Variants in KCNMB2 observed in about 807,000 individuals in gnomAD.
KCNMB2 encodes potassium calcium-activated channel subfamily M regulatory beta subunit 2.
A neutral mutation model predicts 24.5 loss-of-function variants in KCNMB2; 9 were observed. That is an observed-to-expected ratio of 0.37 (90% CI 0.22 to 0.64). KCNMB2 has a LOEUF of 0.64. KCNMB2 is among the 30% of genes least tolerant of loss of function. The pLI, the probability that KCNMB2 is intolerant of heterozygous loss-of-function variation, is 0.63. For missense variants in KCNMB2, 226 were observed against 284.3 expected, an observed-to-expected ratio of 0.79 and a Z score of 1.47; for synonymous variants, 109 against 104.4, an observed-to-expected ratio of 1.04 and a Z score of -0.27.
At chr3:178,834,012 C>A (rs541099693) in intron 4 of KCNMB2, among the ~76,000 whole-genome samples, 6 of 152,250 alleles carry the variant, frequency 3.9e-5, no homozygotes, top group African/African-American at 1.4e-4. Flanking sequence ...ATGCCCATCT[C>A]CTTCAGGAGT....
intron 1 of KCNMB2, among the ~76,000 whole-genome samples, chr3:178,680,853 G>C (rs1202768342): frequency 6.6e-6 from 1 of 152,130 alleles, no homozygotes; most frequent in African/African-American, 2.4e-5. Flanking sequence ...CTTAGGAACG[G>C]GGCCCCCAGA....
chr3:178,703,454 G>A (rs1408935788), intron 1 of KCNMB2, among the ~76,000 whole-genome samples: 4 of 152,074 alleles, frequency 2.6e-5, no homozygotes, highest in Admixed American at 2.6e-4. Flanking sequence ...CCTCCTGCTG[G>A]TCATTTCAGT....
At chr3:178,653,891 G>A (rs1017550268) in intron 1 of KCNMB2, among the ~76,000 whole-genome samples, 1 of 152,038 alleles carries the variant, frequency 6.6e-6, no homozygotes, top group Non-Finnish European at 1.5e-5. Context: ...CCTCATCTCA[G>A]TATTACACTG....
intron 1 of KCNMB2, among the ~76,000 whole-genome samples, chr3:178,720,832 G>T (rs1459974071): frequency 6.8e-6 from 1 of 146,384 alleles, no homozygotes; most frequent in East Asian, 2.0e-4. Flanking sequence ...GGGGTTGTTT[G>T]TTTTTTTCTT....
At chr3:178,646,934 A>T (rs1299946693) in intron 1 of KCNMB2, among the ~76,000 whole-genome samples, 3 of 152,224 alleles carry the variant, frequency 2.0e-5, no homozygotes, top group Non-Finnish European at 4.4e-5. Flanking sequence ...TTCTCCATAT[A>T]TAGTATTGTT....
chr3:178,770,295 C>T lies in KCNMB2; in HGVS notation c.-67-37048C>T, dbSNP rs576959512. ...ATTCTCAGACATGATTGGAAGATAA[C>T]ATCTAGGTTACATCTACAGGAATTT... is the stretch of plus-strand genomic sequence containing the variant. On this transcript the variant is annotated intron_variant, in intron 1 of 4. Transcript: ENST00000452583. Among the ~76,000 whole-genome samples, 5 of 152,320 alleles carry T rather than the reference C, an allele frequency of 3.3e-5. 1 individual carries two copies. The South Asian group carries it at 1.0e-3, about 32-fold the overall frequency.
chr3:178,698,739 T>G (rs1721974640), intron 1 of KCNMB2, among the ~76,000 whole-genome samples: 1 of 152,238 alleles, frequency 6.6e-6, no homozygotes. Flanking sequence ...GTTCTCATCT[T>G]TGTGGGTTTA....
At chr3:178,760,508 G>A (rs1433267070) in intron 1 of KCNMB2, among the ~76,000 whole-genome samples, 1 of 40,432 alleles carries the variant, frequency 2.5e-5, no homozygotes, top group African/African-American at 1.0e-4. Context: ...CAAGAGTTTC[G>A]TGTGTGTGTG....
At chr3:178,603,670 G>A (rs903363928) in intron 1 of KCNMB2, among the ~76,000 whole-genome samples, 2 of 152,138 alleles carry the variant, frequency 1.3e-5, no homozygotes, top group Non-Finnish European at 2.9e-5. Context: ...GGAGAGTTGA[G>A]ACCATAGGGA....
chr3:178,843,116 G>A lies in KCNMB2; in HGVS notation c.*179G>A. ...GCAAACATGATGTCTTTATTATTCA[G>A]GAGAATAAATAACTGTTTTGTGTTG... On this transcript the variant is annotated 3_prime_UTR_variant, in exon 5 of 5. Coordinates refer to ENST00000452583, the MANE Select transcript of KCNMB2 (RefSeq NM_181361.3). The A allele has an allele frequency of 1.5e-6, 1 of 678,680 alleles. No homozygotes were observed. Among genetic ancestry groups the A allele is most frequent in the South Asian group, 1.5e-5 (1 of 64,852 alleles). The allele number at this position is 678,680 out of a possible 1,614,324, so 42.0% of individuals were successfully genotyped here.
At chr3:178,658,643 G>A (rs1360503271) in intron 1 of KCNMB2, among the ~76,000 whole-genome samples, 1 of 152,138 alleles carries the variant, frequency 6.6e-6, no homozygotes, top group Non-Finnish European at 1.5e-5. Context: ...GGGGATGGTT[G>A]CCTTCCAATC....
intron 1 of KCNMB2, among the ~76,000 whole-genome samples, chr3:178,731,696 G>T (rs2108367861): frequency 6.6e-6 from 1 of 152,296 alleles, no homozygotes; most frequent in African/African-American, 2.4e-5. Flanking sequence ...CTGAGGTCTG[G>T]AGTTCAAGAC....
At chr3:178,678,476 A>C (rs1038158469) in intron 1 of KCNMB2, among the ~76,000 whole-genome samples, 2 of 152,212 alleles carry the variant, frequency 1.3e-5, no homozygotes, top group African/African-American at 2.4e-5. Flanking sequence ...AAGACAGGAA[A>C]ACTGGCAGTA....
chr3:178,698,294 T>A (rs1204959061), intron 1 of KCNMB2, among the ~76,000 whole-genome samples: 2 of 152,126 alleles, frequency 1.3e-5, no homozygotes, highest in South Asian at 4.1e-4. Context: ...TAATCCCATA[T>A]TTTTTGGAGG....
intron 1 of KCNMB2, among the ~76,000 whole-genome samples, chr3:178,616,902 CT>C (rs951485406): frequency 9.9e-5 from 15 of 152,196 alleles, no homozygotes; most frequent in Non-Finnish European, 2.1e-4. Flanking sequence ...CATTCCTTTC[CT>C]ACTTGACCAG....
chr3:178,714,659 T>C (rs1186392380), intron 1 of KCNMB2, among the ~76,000 whole-genome samples: 1 of 152,208 alleles, frequency 6.6e-6, no homozygotes, highest in Non-Finnish European at 1.5e-5. Context: ...AAGACTCTTT[T>C]GGGTCAAATG....
At chr3:178,537,892 T>C (rs777326511) in intron 1 of KCNMB2, among the ~76,000 whole-genome samples, 1 of 152,226 alleles carries the variant, frequency 6.6e-6, no homozygotes, top group Non-Finnish European at 1.5e-5. Flanking sequence ...GAATGGCAGA[T>C]ATGTGAAATA....
intron 1 of KCNMB2, among the ~76,000 whole-genome samples, chr3:178,781,714 C>T (rs1712851153): frequency 6.6e-6 from 1 of 151,714 alleles, no homozygotes; most frequent in African/African-American, 2.4e-5. Flanking sequence ...GATGGACCAC[C>T]TCTAGTTTTC....
intron 1 of KCNMB2, among the ~76,000 whole-genome samples, chr3:178,752,008 C>T (rs1414130977): frequency 6.6e-6 from 1 of 152,194 alleles, no homozygotes; most frequent in Non-Finnish European, 1.5e-5. Flanking sequence ...AATACAGAAG[C>T]AAACTCATGT....
Sources: gnomAD v4.1 joint callset for allele counts (sites outside exome capture counted in the v4.1 genomes callset) on GRCh38, gnomAD v4.1.1 for gene constraint, MANE v1.5 for transcripts, NCBI Gene and HGNC (gene_info 2026-07-23, HGNC 2026-07-21) for gene names.